The following FDCSP variants were observed in gnomAD, a reference collection of about 807,000 sequenced individuals.
FDCSP encodes the protein follicular dendritic cell secreted peptide.
FDCSP carries 8 observed loss-of-function variants against 8.9 expected under a neutral mutation model. The observed-to-expected ratio is 0.90, with a 90% CI of 0.53 to 1.63. The LOEUF is 1.63. Among genes scored for constraint, FDCSP ranks in the 40% most tolerant of loss-of-function variants. The pLI, the probability that FDCSP is intolerant of heterozygous loss-of-function variation, is 0.00. For synonymous variants in FDCSP, 34 were observed against 34.5 expected (o/e 0.98, Z 0.06); for missense variants, 101 against 103.6 (o/e 0.98, Z 0.11).
rs774373119 is a variant in FDCSP at position 70,234,002 on chromosome 4, A to T, written c.91-18A>T. ...TGTAAAAAGTGAAATAAACCCTTTA[A>T]CTTCTTTCTTTCAACAGATCAGTGA... On this transcript the variant is annotated intron_variant, in intron 3 of 4. Coordinates refer to ENST00000317987, the MANE Select transcript of FDCSP (RefSeq NM_152997.4). 23 of 1,581,608 alleles carry T rather than the reference A, an allele frequency of 1.5e-5. No individual in the cohort carries two copies. Among genetic ancestry groups the T allele is most frequent in the Non-Finnish European group, 1.9e-5 (22 of 1,166,480 alleles).
chr4:70,226,213 T>G (rs1211998820), intron 1 of FDCSP, 31 bp downstream of exon 1: 1 of 151,938 alleles, frequency 6.6e-6, no homozygotes, highest in African/African-American at 2.4e-5. Flanking sequence ...CATTGTAAAC[T>G]AAGATTGTAT....
chr4:70,228,580 C>T (rs1270625127), intron 1 of FDCSP, among the ~76,000 whole-genome samples: 1 of 151,758 alleles, frequency 6.6e-6, no homozygotes, highest in Non-Finnish European at 1.5e-5. Flanking sequence ...TTGCCCAGAT[C>T]CATCAAATAA....
intron 1 of FDCSP, among the ~76,000 whole-genome samples, chr4:70,227,015 A>G (rs1729997925): frequency 6.6e-6 from 1 of 151,814 alleles, no homozygotes. Flanking sequence ...TCTTCTAAAT[A>G]CTCAAAATAT....
At chr4:70,227,610 T>C (rs1229353331) in intron 1 of FDCSP, among the ~76,000 whole-genome samples, 2 of 123,338 alleles carry the variant, frequency 1.6e-5, no homozygotes, top group Admixed American at 1.6e-4. Flanking sequence ...TATTTACTTA[T>C]AACAATGTAA....
chr4:70,227,082 C>A (rs1273827349), intron 1 of FDCSP, among the ~76,000 whole-genome samples: 2 of 151,680 alleles, frequency 1.3e-5, no homozygotes, highest in African/African-American at 4.8e-5. Flanking sequence ...ACAGAAATAT[C>A]TGTATCCATC....
Position 70,233,533 on chromosome 4 carries a change from G to C in FDCSP, c.91-487G>C, listed in dbSNP as rs556029972. 3.3e-5 allele frequency among the ~76,000 whole-genome samples: 5 copies of C among 151,738 alleles called. No individual in the cohort carries two copies. In the East Asian group the frequency reaches 9.7e-4, roughly 30 times the overall value. ...GTTTAAAGGTTTGTTTTTATTTATG[G>C]AAATCCTGTTATCTGGAAAGCATGA... On this transcript the variant is annotated intron_variant, in intron 3 of 4. Coordinates refer to ENST00000317987, the MANE Select transcript of FDCSP (RefSeq NM_152997.4).
chr4:70,227,756 T>C (rs1349972550), intron 1 of FDCSP, among the ~76,000 whole-genome samples: 1 of 151,770 alleles, frequency 6.6e-6, no homozygotes, highest in Admixed American at 6.6e-5. Context: ...AATGAATTTC[T>C]TGGATTCCCA....
chr4:70,227,676 A>T (rs1730010742), intron 1 of FDCSP, among the ~76,000 whole-genome samples: 1 of 151,716 alleles, frequency 6.6e-6, no homozygotes, highest in Non-Finnish European at 1.5e-5. Context: ...ATTACAGGCA[A>T]ACTTCAGAGA....
intron 1 of FDCSP, among the ~76,000 whole-genome samples, chr4:70,230,289 TG>T (rs1411874443): frequency 6.6e-6 from 1 of 151,726 alleles, no homozygotes; most frequent in Non-Finnish European, 1.5e-5. Context: ...CCATCCAATA[TG>T]GAAGATTTCC....
intron 1 of FDCSP, among the ~76,000 whole-genome samples, chr4:70,226,646 A>T (rs1204860899): frequency 1.3e-5 from 2 of 151,858 alleles, no homozygotes; most frequent in African/African-American, 2.4e-5. Context: ...ATTCCATAAC[A>T]TTTTATGTTG....
intron 1 of FDCSP, among the ~76,000 whole-genome samples, chr4:70,226,440 C>T (rs1729987083): frequency 6.6e-6 from 1 of 151,716 alleles, no homozygotes; most frequent in East Asian, 1.9e-4. Context: ...ATGAATCTTT[C>T]TAGGAGTGGA....
rs369885030 is a variant in FDCSP at position 70,234,126 on chromosome 4, G to A, written c.197G>A (p.Arg66His). 87 of 1,610,880 alleles carry A rather than the reference G, an allele frequency of 5.4e-5. No individual in the cohort carries two copies. Among genetic ancestry groups the A allele is most frequent in the Middle Eastern group, 3.3e-4 (2 of 6,062 alleles). The change falls in exon 4 of 5, where the codon CGT becomes CAT. Residue 66 changes from arginine (R) to histidine (H), a missense_variant. Transcript: ENST00000317987. The part of the protein sequence containing the change: ...IPFPRFPWFR[R>H]NFPIPIPESA... ...TTTCCAAGATTTCCATGGTTTAGAC[G>A]TAATTTTCCTATTCCAATACCTGAA...
Position 70,227,038 on chromosome 4 carries a change from A to G in FDCSP, c.-1+856A>G, listed in dbSNP as rs114433641. Among the ~76,000 whole-genome samples the G allele has an allele frequency of 7.4e-3, 1,120 of 152,024 alleles. 12 individuals are homozygous for G. Among genetic ancestry groups the G allele is most frequent in the African/African-American group, 0.025 (1,056 of 41,536 alleles). On this transcript the variant is annotated intron_variant, in intron 1 of 4. Transcript: ENST00000317987. The stretch of plus-strand genomic sequence containing the variant: ...ATACTCAAAATATTTTGCAATTTCT[A>G]CATATGGTATATATCACGCTTTTTT...
intron 1 of FDCSP, among the ~76,000 whole-genome samples, chr4:70,229,746 A>ATT (rs1254909357): frequency 1.3e-5 from 2 of 151,674 alleles, no homozygotes; most frequent in African/African-American, 4.8e-5. Context: ...TTTGCCACTT[A>ATT]TTTTTCCCAT....
chr4:70,227,821 G>A (rs1182877779), intron 1 of FDCSP, among the ~76,000 whole-genome samples: 1 of 151,742 alleles, frequency 6.6e-6, no homozygotes, highest in Non-Finnish European at 1.5e-5. Context: ...TGTAATAGCA[G>A]TATGTCTAGA....
intron 2 of FDCSP, 61 bp downstream of exon 2, chr4:70,231,312 T>C: frequency 7.4e-7 from 1 of 1,354,124 alleles, no homozygotes; most frequent in East Asian, 2.4e-5. Context: ...CATATTTATG[T>C]CAACCAGGAA....
intron 2 of FDCSP, among the ~76,000 whole-genome samples, chr4:70,232,366 A>C (rs1419904835): frequency 6.6e-6 from 1 of 151,604 alleles, no homozygotes; most frequent in Admixed American, 6.6e-5. Context: ...TGTCTTAGAT[A>C]TGTTTAGATA....
chr4:70,231,260 C>G lies in FDCSP; in HGVS notation c.57+9C>G, dbSNP rs760293740. On this transcript the variant is annotated intron_variant, in intron 2 of 4. Transcript: ENST00000317987. ...TGGCTGTTGGTTTCCCAGTAAGTATCCACGTATACATTCCAAAATATTTAT... is the reference window on the plus strand; with the variant it reads ...TGGCTGTTGGTTTCCCAGTAAGTATGCACGTATACATTCCAAAATATTTAT... 7.5e-5 allele frequency: 120 copies of G among 1,594,728 alleles called. No homozygotes were observed. Among genetic ancestry groups the G allele is most frequent in the Non-Finnish European group, 9.9e-5 (116 of 1,169,674 alleles).
At chr4:70,230,804 A>C (rs1263482212) in intron 1 of FDCSP, among the ~76,000 whole-genome samples, 1 of 151,774 alleles carries the variant, frequency 6.6e-6, no homozygotes, top group Non-Finnish European at 1.5e-5. Flanking sequence ...AAACCAATGC[A>C]TTATTTCTTC....
Sources: gnomAD v4.1 joint callset for allele counts (sites outside exome capture counted in the v4.1 genomes callset) on GRCh38, gnomAD v4.1.1 for gene constraint, MANE v1.5 for transcripts, NCBI Gene and HGNC (gene_info 2026-07-23, HGNC 2026-07-21) for gene names.